GJB1: variants seen among roughly 807,000 people sequenced by gnomAD.
GJB1 encodes gap junction protein beta 1, also known as gap junction beta-1 protein.
A neutral mutation model predicts 12.0 loss-of-function variants in GJB1; 1 was observed. The ratio of observed to expected loss-of-function variants is 0.08; its 90% CI spans 0.03 to 0.40. The LOEUF is 0.40. Among genes scored for constraint, GJB1 ranks in the 10% least tolerant of loss-of-function variants. The pLI is 0.98. For synonymous variants in GJB1, 114 were observed against 102.8 expected, an observed-to-expected ratio of 1.11 and a Z score of -0.66; for missense variants, 140 against 250.3, an observed-to-expected ratio of 0.56 and a Z score of 2.97.
upstream of GJB1, among the ~76,000 whole-genome samples, chrX:71,221,323 TTTTATTTATTTA>T (rs57849718): frequency 0.01 from 1,049 of 100,113 alleles, 10 homozygotes; most frequent in Non-Finnish European, 0.016. Context: ...CACTAAGGCT[TTTTATTTATTTA>T]TTTATTTATT....
chrX:71,217,665 C>G (rs1443115904), intron 1 of GJB1: 1 of 111,545 alleles, frequency 9.0e-6, no homozygotes, highest in East Asian at 2.8e-4. Context: ...GATCAGTTCT[C>G]CTTCCAAAGG....
Position 71,224,630 on chromosome X carries a change from C to G in GJB1, c.*71C>G. 2 of 899,695 alleles carry G rather than the reference C, an allele frequency of 2.2e-6. No individual in the cohort carries two copies. Among genetic ancestry groups the G allele is most frequent in the Admixed American group, 2.6e-5 (1 of 38,322 alleles). The allele number at this position is 899,695 out of a possible 1,213,427, so 74.1% of individuals were successfully genotyped here. On this transcript the variant is annotated 3_prime_UTR_variant, in exon 2 of 2. Transcript: ENST00000361726. ...GGGCGAGCCCCTCCTTCTCCCCTGCCGGTGCACAGGCCTCTGCCTGCTGGG... is the reference window on the plus strand; with the variant it reads ...GGGCGAGCCCCTCCTTCTCCCCTGCGGGTGCACAGGCCTCTGCCTGCTGGG...
chrX:71,220,824 CCACCTGTTCTAGAGTGTAA>C (rs2092535985), upstream of GJB1, among the ~76,000 whole-genome samples: 2 of 105,822 alleles, frequency 1.9e-5, no homozygotes, highest in Non-Finnish European at 3.8e-5. Flanking sequence ...AATTCTCTGG[CCACCTGTTCTAGAGTGTAA>C]CACATCTCAC....
chrX:71,217,814 GA>G (rs1165463933), intron 1 of GJB1: 1 of 95,225 alleles, frequency 1.1e-5, no homozygotes, highest in Non-Finnish European at 2.1e-5. Context: ...GGGTGGCCAG[GA>G]TGTCTGTGGC....
At chrX:71,216,190 G>C (rs1300196060) in intron 1 of GJB1, among the ~76,000 whole-genome samples, 1 of 111,449 alleles carries the variant, frequency 9.0e-6, no homozygotes, top group Non-Finnish European at 1.9e-5. Context: ...ATCTAAAGGA[G>C]GGGTGTTCCC....
chrX:71,220,657 C>A (rs920553641), upstream of GJB1, among the ~76,000 whole-genome samples: 1 of 107,390 alleles, frequency 9.3e-6, no homozygotes, highest in Non-Finnish European at 1.9e-5. Context: ...CGGGTGCCCG[C>A]CACCACACCC....
upstream of GJB1, among the ~76,000 whole-genome samples, chrX:71,220,894 T>C (rs1261116433): frequency 4.4e-4 from 33 of 75,251 alleles, no homozygotes; most frequent in African/African-American, 1.6e-3. Context: ...TCTTTCCTTT[T>C]TTTTTTTTTT....
chrX:71,222,134 C>T (rs1477840926), upstream of GJB1, among the ~76,000 whole-genome samples: 5 of 110,977 alleles, frequency 4.5e-5, no homozygotes, highest in African/African-American at 3.3e-5. Flanking sequence ...ATAGCCAGAC[C>T]TTGTCCCCAC....
chrX:71,223,383 A>G, intron 1 of GJB1, 48 bp downstream of exon 1: 1 of 356,081 alleles, frequency 2.8e-6, no homozygotes, highest in Admixed American at 4.5e-5. Flanking sequence ...TTAAGGAGCT[A>G]GGGGACAGGG....
upstream of GJB1, among the ~76,000 whole-genome samples, chrX:71,220,142 C>T (rs1260105819): frequency 2.3e-3 from 120 of 52,757 alleles, 1 homozygote; most frequent in African/African-American, 0.016. Flanking sequence ...TGTGCCTGGC[C>T]TTTTTTTTTT....
At chrX:71,217,384 G>C (rs1331902235) in intron 1 of GJB1, among the ~76,000 whole-genome samples, 5 of 111,806 alleles carry the variant, frequency 4.5e-5, no homozygotes, top group Non-Finnish European at 9.4e-5. Context: ...AATATTACAG[G>C]ACTGCTGTAA....
intron 1 of GJB1, chrX:71,217,695 C>G (rs2092528239): frequency 9.0e-6 from 1 of 111,050 alleles, no homozygotes; most frequent in Non-Finnish European, 1.9e-5. Context: ...AAATTGAGAT[C>G]ACAGCACCCA....
In GJB1 at chrX:71,223,964, C is replaced by T. The variant is rs1602349017; in HGVS notation, c.257C>T (p.Thr86Ile). The change falls in exon 2 of 2, where the codon ACC becomes ATC. Residue 86 changes from threonine (T) to isoleucine (I), a missense_variant. Thr to Ile is a moderately conservative substitution (Grantham distance 89). Coordinates refer to ENST00000361726, the MANE Select transcript of GJB1 (RefSeq NM_000166.6). ...TCCCTGCAGCTCATCCTAGTTTCCA[C>T]CCCAGCTCTCCTCGTGGCCATGCAC... is the stretch of plus-strand genomic sequence containing the variant. ...LWSLQLILVS[T>I]PALLVAMHVA... is the part of the protein sequence containing the mutation. The T allele has an allele frequency of 8.3e-7, 1 of 1,203,049 alleles. No individual in the cohort carries two copies.
At position 71,223,785 on chromosome X, in the gene GJB1, G is replaced by A. The variant is rs749174507; in HGVS notation, c.78G>A (p.Ser26=). 18 of 1,211,184 alleles carry A rather than the reference G, an allele frequency of 1.5e-5. No individual in the cohort carries two copies. Among genetic ancestry groups the A allele is most frequent in the Admixed American group, 1.1e-4 (5 of 46,008 alleles). Residue 26 remains serine, a synonymous_variant, in exon 2 of 2, where the codon TCG becomes TCA. Transcript: ENST00000361726. ...CTGCCATTGGCCGAGTATGGCTCTC[G>A]GTCATCTTCATCTTCAGAATCATGG... ...HSTAIGRVWL[S]VIFIFRIMVL...
upstream of GJB1, among the ~76,000 whole-genome samples, chrX:71,220,524 CGAGACGGA>C (rs944525610): frequency 1.5e-4 from 16 of 106,717 alleles, no homozygotes; most frequent in Admixed American, 1.3e-3. Flanking sequence ...TCGTCTTTTC[CGAGACGGA>C]GTCTCACTCT....
chrX:71,216,646 A>G (rs6625772), intron 1 of GJB1, among the ~76,000 whole-genome samples: 33,848 of 109,284 alleles, frequency 0.31, 4,201 homozygotes, highest in East Asian at 0.59. Flanking sequence ...GAGCTGGCAT[A>G]AGCAGAAGCT....
upstream of GJB1, among the ~76,000 whole-genome samples, chrX:71,220,887 TTCC>T (rs1310679716): frequency 1.5e-5 from 1 of 67,793 alleles, no homozygotes; most frequent in Non-Finnish European, 2.5e-5. Context: ...CTTTGTTTCT[TTCC>T]TTTTTTTTTT....
upstream of GJB1, among the ~76,000 whole-genome samples, chrX:71,220,567 C>T (rs777519059): frequency 7.4e-4 from 81 of 109,714 alleles, no homozygotes; most frequent in Non-Finnish European, 1.3e-3. Flanking sequence ...AGTGCAGTGA[C>T]GGGATCTCCA....
Position 71,224,082 on chromosome X carries a change from C to G in GJB1, c.375C>G (p.Val125=). The change falls in exon 2 of 2, where the codon GTC becomes GTG. Residue 125 remains valine (V), a synonymous_variant. Coordinates refer to ENST00000361726, the MANE Select transcript of GJB1 (RefSeq NM_000166.6). The part of the protein sequence containing the change: ...LHLEEVKRHK[V]HISGTLWWTY... ...TGGAGGAGGTGAAGAGGCACAAGGT[C>G]CACATCTCAGGGACACTGTGGTGGA... 8.3e-7 allele frequency: 1 copy of G among 1,207,972 alleles called. No individual in the cohort carries two copies. The highest frequency in any genetic ancestry group is 1.1e-6 in the Non-Finnish European group (1 of 893,587).
Sources: allele counts gnomAD v4.1 joint callset (sites outside exome capture counted in the v4.1 genomes callset), GRCh38; gene constraint gnomAD v4.1.1; transcripts MANE v1.5; gene names NCBI Gene and HGNC (gene_info 2026-07-23, HGNC 2026-07-21).